Variants in RAB3GAP1 observed in about 807,000 individuals in gnomAD.
RAB3GAP1 encodes the protein RAB3 GTPase activating protein catalytic subunit 1.
RAB3GAP1 carries 86 observed loss-of-function variants against 130.7 expected under a neutral mutation model. That is an observed-to-expected ratio of 0.66 (90% CI 0.55 to 0.79). The LOEUF (loss-of-function observed/expected upper bound fraction) is 0.79. Ranked by LOEUF, RAB3GAP1 falls within the 30% of genes least tolerant of loss-of-function variation. The probability of loss-of-function intolerance (pLI) is 0.00; values close to 1 mark genes in which losing one functional copy is unlikely to be tolerated. For synonymous variants in RAB3GAP1, 367 were observed against 401.7 expected, an observed-to-expected ratio of 0.91 and a Z score of 1.03; for missense variants, 1,029 against 1,169.4, an observed-to-expected ratio of 0.88 and a Z score of 1.75.
chr2:135,120,892 A>G lies in RAB3GAP1; in HGVS notation c.722A>G (p.Gln241Arg), dbSNP rs1005887514. The stretch of plus-strand genomic sequence containing the variant: ...ACCTATGTACTTCAAGATTGGCAGC[A>G]GTATTTTTGGCCTCAGCAACCTCCA... The part of the protein sequence containing the change: ...RFTYVLQDWQ[Q>R]YFWPQQPPDI... Residue 241 changes from glutamine (Q) to arginine (R), a missense_variant, in exon 8 of 24, where the codon CAG (glutamine) becomes CGG (arginine). By Grantham distance (43) the Gln-to-Arg change is conservative. Around this residue, in one of 3 missense-constraint regions of RAB3GAP1, gnomAD observed 510 missense variants for 532.1 expected, o/e 0.96. Transcript: ENST00000264158. The G allele has an allele frequency of 6.8e-6, 11 of 1,612,312 alleles. No homozygotes were observed. Among genetic ancestry groups the G allele is most frequent in the African/African-American group, 1.3e-5 (1 of 74,894 alleles).
intron 5 of RAB3GAP1, 79 bp from the exon 6 acceptor site, chr2:135,113,072 A>G: frequency 6.3e-7 from 1 of 1,598,842 alleles, no homozygotes; most frequent in South Asian, 1.1e-5. Flanking sequence ...CTGTAGTGAA[A>G]TTTTTTTGTG....
chr2:135,104,779 C>T (rs1690544979), intron 5 of RAB3GAP1, among the ~76,000 whole-genome samples: 1 of 152,082 alleles, frequency 6.6e-6, no homozygotes, highest in South Asian at 2.1e-4. Context: ...GTCTCAGCTA[C>T]TCAGGAGGCT....
chr2:135,132,800 C>T (rs1040926877), intron 13 of RAB3GAP1, 95 bp from the exon 14 acceptor site: 2 of 764,020 alleles, frequency 2.6e-6, no homozygotes, highest in African/African-American at 1.7e-5. Context: ...GCAGCAAAAC[C>T]ATTAAAAAGT....
chr2:135,076,449 G>T (rs940729044), intron 3 of RAB3GAP1, among the ~76,000 whole-genome samples: 4 of 152,142 alleles, frequency 2.6e-5, no homozygotes, highest in African/African-American at 7.2e-5. Context: ...GCACTCATGA[G>T]ATTGAGCATT....
downstream of RAB3GAP1, chr2:135,170,733 C>T (rs1319223942): frequency 1.3e-5 from 2 of 152,090 alleles, no homozygotes; most frequent in Non-Finnish European, 2.9e-5. Context: ...TTTCTTCACC[C>T]AGGCTTTGAG....
intron 14 of RAB3GAP1, among the ~76,000 whole-genome samples, chr2:135,133,568 A>T (rs1691603813): frequency 6.6e-6 from 1 of 152,186 alleles, no homozygotes; most frequent in Admixed American, 6.5e-5. Flanking sequence ...AAGATTTTTA[A>T]AACAACACAT....
intron 3 of RAB3GAP1, among the ~76,000 whole-genome samples, chr2:135,076,005 C>T (rs529385799): frequency 1.3e-5 from 2 of 150,616 alleles, no homozygotes; most frequent in Non-Finnish European, 1.5e-5. Flanking sequence ...TCGCCTCCTG[C>T]GTTGAAGTGA....
At position 135,150,394 on chromosome 2, in the gene RAB3GAP1, T is replaced by A. The variant is rs778902709; in HGVS notation, c.1949T>A (p.Leu650Gln). 6.2e-7 allele frequency: 1 copy of A among 1,614,112 alleles called. No homozygotes were observed. Among genetic ancestry groups the A allele is most frequent in the African/African-American group, 1.3e-5 (1 of 74,936 alleles). The change falls in exon 18 of 24, where the codon CTG becomes CAG. Residue 650 changes from leucine (L) to glutamine (Q), a missense_variant. Physicochemically the swap from Leu to Gln is moderately radical, Grantham distance 113 (BLOSUM62 -2). This residue lies in a region of RAB3GAP1 where 373 missense variants were observed against 493.6 expected (regional missense o/e 0.76). Coordinates refer to ENST00000264158, the MANE Select transcript of RAB3GAP1 (RefSeq NM_012233.3). ...TQEPAPMTED[L>Q]LEEQSEVLAK... ...GAACCAGCACCTATGACAGAAGATC[T>A]GCTAGAAGAGCAGTCTGAAGTTTTA...
chr2:135,058,213 A>G, intron 3 of RAB3GAP1, 127 bp downstream of exon 3: 1 of 775,652 alleles, frequency 1.3e-6, no homozygotes, highest in Non-Finnish European at 2.2e-6. Context: ...TATAAACATC[A>G]AATAGCATTT....
In RAB3GAP1 at chr2:135,093,631, T is replaced by G. The variant is rs1690209455; in HGVS notation, c.300T>G (p.Ser100=). 1.9e-6 allele frequency: 3 copies of G among 1,613,430 alleles called. No homozygotes were observed. The highest frequency in any genetic ancestry group is 4.5e-5 in the East Asian group (2 of 44,868). ...TTTTTGTAGATGTTGTTCCACAATC[T>G]ATGCAAGATTTGCTGGGTATGAATA... ...DELLEDVVPQ[S]MQDLLGMNND... is the part of the protein sequence containing the mutation. The change falls in exon 5 of 24, where the codon TCT becomes TCG. Residue 100 remains serine (S), a synonymous_variant. Coordinates refer to ENST00000264158, the MANE Select transcript of RAB3GAP1 (RefSeq NM_012233.3).
chr2:135,068,966 T>A (rs7565711), intron 3 of RAB3GAP1, among the ~76,000 whole-genome samples: 9,076 of 152,202 alleles, frequency 0.06, 525 homozygotes, highest in African/African-American at 0.15. Context: ...CAAAAAAGAT[T>A]TTTCACAAAA....
Position 135,089,809 on chromosome 2 carries a change from A to G in RAB3GAP1, c.151-1189A>G, listed in dbSNP as rs182580009. On this transcript the variant is annotated intron_variant, in intron 3 of 23. Coordinates refer to ENST00000264158, the MANE Select transcript of RAB3GAP1 (RefSeq NM_012233.3). The stretch of plus-strand genomic sequence containing the variant: ...AGGGACATGGATGAAGCTGGAAACC[A>G]TCATTCTCAGCACTCTTAACACGGG... 2.2e-3 allele frequency: 836 copies of G among 384,654 alleles called. 3 individuals are homozygous for G. The highest frequency in any genetic ancestry group is 0.017 in the African/African-American group (780 of 46,648). 23.8% of individuals were successfully genotyped at this position (384,654 alleles called of 1,614,324 possible). A position where few individuals can be genotyped will look rare whatever the true frequency, so the allele number is the denominator to read the frequency against.
chr2:135,164,148 G>A (rs553262906), intron 22 of RAB3GAP1, among the ~76,000 whole-genome samples: 11 of 152,096 alleles, frequency 7.2e-5, no homozygotes, highest in Non-Finnish European at 1.6e-4. Flanking sequence ...CCCAACACAA[G>A]TATTTTAAGC....
chr2:135,078,720 C>T (rs1200030699), intron 3 of RAB3GAP1, among the ~76,000 whole-genome samples: 2 of 126,728 alleles, frequency 1.6e-5, no homozygotes, highest in African/African-American at 3.0e-5. Context: ...CTTTCCTTTC[C>T]TTTTGACAGA....
At chr2:135,148,195 T>C (rs952553898) in intron 17 of RAB3GAP1, among the ~76,000 whole-genome samples, 33 of 152,186 alleles carry the variant, frequency 2.2e-4, no homozygotes, top group Admixed American at 6.5e-4. Context: ...ATTATAAGTG[T>C]ACTTATATGA....
intron 3 of RAB3GAP1, among the ~76,000 whole-genome samples, chr2:135,089,014 A>G (rs766314643): frequency 1.3e-5 from 2 of 152,234 alleles, no homozygotes; most frequent in South Asian, 2.1e-4. Context: ...TAGGGTTTCT[A>G]TGGTTTTAGG....
chr2:135,052,751 C>A (rs1334302279), intron 2 of RAB3GAP1, among the ~76,000 whole-genome samples: 1 of 152,232 alleles, frequency 6.6e-6, no homozygotes, highest in Non-Finnish European at 1.5e-5. Flanking sequence ...CAGACCGCTT[C>A]CCTTAGACTT....
intron 5 of RAB3GAP1, among the ~76,000 whole-genome samples, chr2:135,096,847 T>C (rs896162210): frequency 6.6e-6 from 1 of 152,150 alleles, no homozygotes; most frequent in African/African-American, 2.4e-5. Flanking sequence ...AGTATGTTTA[T>C]CAAAATCTAA....
intron 17 of RAB3GAP1, among the ~76,000 whole-genome samples, chr2:135,141,984 A>G (rs775418197): frequency 1.4e-4 from 21 of 152,202 alleles, no homozygotes; most frequent in Non-Finnish European, 2.2e-4. Context: ...TAAATCTTCT[A>G]ACTTTGTTAC....
Sources: gnomAD v4.1 joint callset for allele counts (sites outside exome capture counted in the v4.1 genomes callset) on GRCh38, gnomAD v4.1.1 for gene constraint, gnomAD v4.1.1 regional missense constraint, MANE v1.5 for transcripts, NCBI Gene and HGNC (gene_info 2026-07-23, HGNC 2026-07-21) for gene names.